Variants in FHIT observed in about 807,000 individuals in gnomAD.
The protein encoded by FHIT is fragile histidine triad diadenosine triphosphatase, also known as bis(5'-adenosyl)-triphosphatase.
In FHIT, 19 loss-of-function variants were observed where a neutral mutation model predicts 17.9. That is an observed-to-expected ratio of 1.06 (90% CI 0.74 to 1.56). The LOEUF is 1.56. Among genes scored for constraint, FHIT ranks in the 40% most tolerant of loss-of-function variants. The probability of loss-of-function intolerance (pLI) is 0.00; values close to 1 mark genes in which losing one functional copy is unlikely to be tolerated. For synonymous variants in FHIT, 81 were observed against 69.7 expected, an observed-to-expected ratio of 1.16 and a Z score of -0.81; for missense variants, 248 against 189.2, an observed-to-expected ratio of 1.31 and a Z score of -1.82.
chr3:60,622,752 T>G (rs2039169750), intron 4 of FHIT, among the ~76,000 whole-genome samples: 1 of 152,238 alleles, frequency 6.6e-6, no homozygotes, highest in East Asian at 1.9e-4. Flanking sequence ...GCATGCCTGC[T>G]TTACGCTAGA....
intron 3 of FHIT, among the ~76,000 whole-genome samples, chr3:60,874,278 C>T (rs545037520): frequency 9.9e-5 from 15 of 152,090 alleles, no homozygotes; most frequent in Admixed American, 2.0e-4. Context: ...CAGCATCGGT[C>T]GGCAATCACG....
chr3:59,994,074 A>G (rs1450829364), intron 7 of FHIT, among the ~76,000 whole-genome samples: 1 of 152,084 alleles, frequency 6.6e-6, no homozygotes, highest in African/African-American at 2.4e-5. Context: ...AGTGAAGCTC[A>G]GAGATGTTAA....
intron 4 of FHIT, among the ~76,000 whole-genome samples, chr3:60,714,682 C>A (rs1553706183): frequency 6.6e-6 from 1 of 152,110 alleles, no homozygotes; most frequent in Non-Finnish European, 1.5e-5. Context: ...CTCCCATTCA[C>A]AACTGCTTCA....
At position 60,001,630 on chromosome 3, in the gene FHIT, C is replaced by T. The variant is rs552015028; in HGVS notation, c.279+9741G>A. On this transcript the variant is annotated intron_variant, in intron 7 of 9. Coordinates refer to ENST00000492590, the MANE Select transcript of FHIT (RefSeq NM_002012.4). ...GGAAGATGAAAGACAGACTTAAATG[C>T]TACAGGGGTGATTAACTGTCAAGTA... Among the ~76,000 whole-genome samples, 338 of 152,220 alleles carry T rather than the reference C, an allele frequency of 2.2e-3. 1 individual carries two copies. The highest frequency in any genetic ancestry group is 1.7e-3 in the Non-Finnish European group (118 of 67,994).
At chr3:60,600,299 T>TA (rs151007539) in intron 4 of FHIT, among the ~76,000 whole-genome samples, 2,568 of 152,010 alleles carry the variant, frequency 0.017, 75 homozygotes, top group African/African-American at 0.059. Context: ...GTCTGCTACT[T>TA]ACAAACAAGG....
chr3:60,505,712 A>G (rs6781130), intron 5 of FHIT, among the ~76,000 whole-genome samples: 68,350 of 151,926 alleles, frequency 0.45, 15,666 homozygotes, highest in African/African-American at 0.51. Flanking sequence ...AAATCCCAGA[A>G]AGCTGCCCAA....
intron 8 of FHIT, among the ~76,000 whole-genome samples, chr3:59,770,215 G>A (rs114601232): frequency 0.018 from 2,670 of 152,246 alleles, 35 homozygotes; most frequent in South Asian, 0.036. Context: ...CTATCTCATC[G>A]AATCGTCCTA....
intron 4 of FHIT, among the ~76,000 whole-genome samples, chr3:60,652,325 G>C (rs1553688463): frequency 6.6e-6 from 1 of 152,136 alleles, no homozygotes; most frequent in African/African-American, 2.4e-5. Flanking sequence ...TCTAGGCCAG[G>C]CGTGGTAGTT....
At chr3:60,922,278 C>T (rs1461933153) in intron 3 of FHIT, among the ~76,000 whole-genome samples, 1 of 152,162 alleles carries the variant, frequency 6.6e-6, no homozygotes, top group Non-Finnish European at 1.5e-5. Flanking sequence ...GCCTCTTTAC[C>T]TTCATCTCCC....
intron 8 of FHIT, among the ~76,000 whole-genome samples, chr3:59,905,332 T>C (rs1704536973): frequency 1.3e-5 from 2 of 152,130 alleles, no homozygotes; most frequent in South Asian, 4.1e-4. Flanking sequence ...TGACCCAAAG[T>C]TTCTAGCCTG....
At chr3:59,872,173 G>GA (rs1274919171) in intron 8 of FHIT, among the ~76,000 whole-genome samples, 1 of 152,164 alleles carries the variant, frequency 6.6e-6, no homozygotes, top group East Asian at 1.9e-4. Context: ...CTCAGCAGGG[G>GA]AAAGGAAAAC....
At chr3:60,449,369 T>C (rs2031563486) in intron 5 of FHIT, among the ~76,000 whole-genome samples, 1 of 152,076 alleles carries the variant, frequency 6.6e-6, no homozygotes, top group Admixed American at 6.6e-5. Context: ...GATGTTCTTA[T>C]AAAGGTAGCG....
chr3:60,172,016 T>C lies in FHIT; in HGVS notation c.104-157864A>G, dbSNP rs376585933. On this transcript the variant is annotated intron_variant, in intron 5 of 9. Transcript: ENST00000492590. ...AGGTAGTGAACCAATGCTGAGAACA[T>C]AATCATGAACAAAAATCCAAACAGC... Among the ~76,000 whole-genome samples, 5 of 152,150 alleles carry C rather than the reference T, an allele frequency of 3.3e-5. No individual in the cohort carries two copies. In the South Asian group the frequency reaches 1.0e-3, roughly 32 times the overall value.
chr3:61,004,078 A>G (rs2031279185), intron 3 of FHIT, among the ~76,000 whole-genome samples: 1 of 152,184 alleles, frequency 6.6e-6, no homozygotes, highest in African/African-American at 2.4e-5. Context: ...CGAGACGAAT[A>G]GAAGAATCCC....
chr3:61,096,681 T>C (rs533786540), intron 2 of FHIT, among the ~76,000 whole-genome samples: 14 of 152,286 alleles, frequency 9.2e-5, no homozygotes, highest in African/African-American at 2.9e-4. Flanking sequence ...AGCCACCTCA[T>C]TGATAGTGAG....
At chr3:59,976,308 A>G (rs1708409629) in intron 7 of FHIT, among the ~76,000 whole-genome samples, 1 of 152,158 alleles carries the variant, frequency 6.6e-6, no homozygotes, top group East Asian at 1.9e-4. Context: ...GGTATAAGCA[A>G]ATCCAAAAAT....
intron 2 of FHIT, among the ~76,000 whole-genome samples, chr3:61,112,099 G>A (rs1161534239): frequency 6.6e-6 from 1 of 152,076 alleles, no homozygotes; most frequent in Admixed American, 6.6e-5. Context: ...GGAGGTGGCG[G>A]GGCCAAAATT....
In FHIT at chr3:60,015,561, G is replaced by A. The variant is rs180712075; in HGVS notation, c.104-1409C>T. ...GCAGATTGCCAGCCTCCACTCCCAC[G>A]AAGCTGCTTTTTCTGTGTTAAAAGG... On this transcript the variant is annotated intron_variant, in intron 5 of 9. Transcript: ENST00000492590. Among the ~76,000 whole-genome samples, 513 of 152,142 alleles carry A rather than the reference G, an allele frequency of 3.4e-3. 5 individuals are homozygous for A. Among genetic ancestry groups the A allele is most frequent in the Admixed American group, 6.0e-3 (91 of 15,280 alleles).
At chr3:60,258,971 A>G (rs1706157215) in intron 5 of FHIT, among the ~76,000 whole-genome samples, 1 of 151,912 alleles carries the variant, frequency 6.6e-6, no homozygotes, top group Admixed American at 6.6e-5. Flanking sequence ...GGGGAAGGTA[A>G]AAGAGATCTT....
Sources: gnomAD v4.1 joint callset for allele counts (sites outside exome capture counted in the v4.1 genomes callset) on GRCh38, gnomAD v4.1.1 for gene constraint, MANE v1.5 for transcripts, NCBI Gene and HGNC (gene_info 2026-07-23, HGNC 2026-07-21) for gene names.